The following JMJD1C variants were observed in gnomAD, a reference collection of about 807,000 sequenced individuals.
JMJD1C encodes jumonji domain-containing protein 1C.
In JMJD1C, 31 loss-of-function variants were observed where a neutral mutation model predicts 245.3. That is an observed-to-expected ratio of 0.13 (90% CI 0.09 to 0.17). The LOEUF is 0.17. Among genes scored for constraint, JMJD1C ranks in the 10% least tolerant of loss-of-function variants. The pLI, the probability that JMJD1C is intolerant of heterozygous loss-of-function variation, is 1.00. For synonymous variants in JMJD1C, 1,057 were observed against 1,017.4 expected (o/e 1.04, Z -0.74); for missense variants, 2,691 against 3,000.2 (o/e 0.90, Z 2.41).
chr10:63,474,597 T>C (rs1001087180), intron 1 of JMJD1C, among the ~76,000 whole-genome samples: 3 of 152,052 alleles, frequency 2.0e-5, no homozygotes, highest in African/African-American at 7.2e-5. Context: ...ACCACCGGCA[T>C]GTACCACCAC....
intron 2 of JMJD1C, among the ~76,000 whole-genome samples, chr10:63,351,464 A>T (rs2134290773): frequency 6.6e-6 from 1 of 152,334 alleles, no homozygotes; most frequent in East Asian, 1.9e-4. Flanking sequence ...GTATAAAACA[A>T]GTTTGAGGTC....
chr10:63,459,744 G>A (rs1286598756), intron 1 of JMJD1C, among the ~76,000 whole-genome samples: 3 of 152,128 alleles, frequency 2.0e-5, no homozygotes, highest in Non-Finnish European at 4.4e-5. Flanking sequence ...AGAGTGGAAT[G>A]AAATATTACC....
intron 21 of JMJD1C, among the ~76,000 whole-genome samples, chr10:63,184,117 G>C (rs1166582232): frequency 6.6e-6 from 1 of 151,844 alleles, no homozygotes; most frequent in Non-Finnish European, 1.5e-5. Flanking sequence ...AGTAGAGATG[G>C]GGTTTCACCA....
chr10:63,346,223 T>C (rs972071031), intron 2 of JMJD1C, among the ~76,000 whole-genome samples: 1 of 152,218 alleles, frequency 6.6e-6, no homozygotes, highest in African/African-American at 2.4e-5. Context: ...TGAATCATTT[T>C]TTTAAAGTGT....
At chr10:63,308,704 C>T (rs1589439901) in intron 2 of JMJD1C, among the ~76,000 whole-genome samples, 1 of 104,396 alleles carries the variant, frequency 9.6e-6, no homozygotes, top group African/African-American at 3.7e-5. Flanking sequence ...GGAGAGAAAA[C>T]TAGAAAGCCA....
intron 8 of JMJD1C, among the ~76,000 whole-genome samples, chr10:63,212,637 C>A (rs1188329142): frequency 8.6e-5 from 13 of 151,994 alleles, no homozygotes; most frequent in Admixed American, 3.3e-4. Flanking sequence ...CCTTGAGCAC[C>A]CTTAAGGGAA....
intron 1 of JMJD1C, among the ~76,000 whole-genome samples, chr10:63,464,366 T>TA (rs1251515514): frequency 2.0e-5 from 3 of 152,066 alleles, no homozygotes; most frequent in Non-Finnish European, 4.4e-5. Context: ...AATAGGTAGG[T>TA]AAAAAATATT....
Position 63,193,043 on chromosome 10 carries a change from C to G in JMJD1C, c.5971G>C (p.Glu1991Gln). The change falls in exon 16 of 26, where the codon GAG (glutamate) becomes CAG (glutamine). Residue 1991 changes from glutamate (E) to glutamine (Q), a missense_variant. Glu to Gln is a conservative substitution (Grantham distance 29). Coordinates refer to ENST00000399262, the MANE Select transcript of JMJD1C (RefSeq NM_032776.3). ...TTGTTATCTGTGCCTACATCACTCT[C>G]TGGGCTGCTGCCACCATTTTTCTCA... is the stretch of plus-strand genomic sequence containing the variant. ...KSEKNGGSSP[E>Q]SDVGTDNKLT... is the part of the protein sequence containing the mutation. 6.2e-7 allele frequency: 1 copy of G among 1,614,128 alleles called. No homozygotes were observed.
chr10:63,288,932 A>G (rs1322785166), intron 2 of JMJD1C, among the ~76,000 whole-genome samples: 1 of 143,506 alleles, frequency 7.0e-6, no homozygotes, highest in Non-Finnish European at 1.5e-5. Flanking sequence ...TAATAATGAT[A>G]ATAATCTGTA....
At position 63,176,519 on chromosome 10, in the gene JMJD1C, G is replaced by C; in HGVS notation, c.7225-46C>G. The stretch of plus-strand genomic sequence containing the variant: ...GACACTCCAATTTAAGTAAGGAAAT[G>C]GTAAATCCTGTTCAGTTAAATTTCA... On this transcript the variant is annotated intron_variant, in intron 23 of 25. Coordinates refer to ENST00000399262, the MANE Select transcript of JMJD1C (RefSeq NM_032776.3). 3 of 1,386,646 alleles carry C rather than the reference G, an allele frequency of 2.2e-6. No homozygotes were observed. In the East Asian group the frequency reaches 6.9e-5, roughly 32 times the overall value. The allele number at this position is 1,386,646 out of a possible 1,614,324, so 85.9% of individuals were successfully genotyped here.
chr10:63,379,971 C>T (rs1179357460), intron 2 of JMJD1C, among the ~76,000 whole-genome samples: 2 of 150,834 alleles, frequency 1.3e-5, no homozygotes, highest in African/African-American at 2.4e-5. Flanking sequence ...GATGGGGTCT[C>T]ACTCTGTTAC....
chr10:63,266,141 T>TA (rs1223964028), intron 2 of JMJD1C, among the ~76,000 whole-genome samples: 3 of 152,150 alleles, frequency 2.0e-5, no homozygotes, highest in East Asian at 1.9e-4. Context: ...TTTTCTTAAT[T>TA]AAAAAACAGG....
chr10:63,436,835 T>C (rs1951083724), intron 1 of JMJD1C, among the ~76,000 whole-genome samples: 2 of 152,124 alleles, frequency 1.3e-5, no homozygotes, highest in Admixed American at 1.3e-4. Flanking sequence ...TAGACCCTTA[T>C]CATGGCCCCA....
intron 10 of JMJD1C, among the ~76,000 whole-genome samples, chr10:63,201,065 C>G (rs997007883): frequency 6.6e-6 from 1 of 152,140 alleles, no homozygotes; most frequent in Non-Finnish European, 1.5e-5. Flanking sequence ...TAGGAGAAAG[C>G]TCTTTCAAGA....
At chr10:63,363,538 G>T (rs142488160) in intron 2 of JMJD1C, among the ~76,000 whole-genome samples, 1 of 152,032 alleles carries the variant, frequency 6.6e-6, no homozygotes, top group African/African-American at 2.4e-5. Context: ...GATTACAGGC[G>T]TGAGCCACCA....
At chr10:63,494,818 C>T (rs777315706) in intron 1 of JMJD1C, among the ~76,000 whole-genome samples, 7 of 152,176 alleles carry the variant, frequency 4.6e-5, no homozygotes, top group Non-Finnish European at 8.8e-5. Flanking sequence ...GAGGCTCACA[C>T]TGGTCAGGTC....
chr10:63,476,038 G>C (rs1953650444), intron 1 of JMJD1C, among the ~76,000 whole-genome samples: 1 of 151,684 alleles, frequency 6.6e-6, no homozygotes, highest in Non-Finnish European at 1.5e-5. Flanking sequence ...GTGAAACCCT[G>C]TATCTACTAA....
intron 2 of JMJD1C, among the ~76,000 whole-genome samples, chr10:63,349,335 T>C (rs1399850940): frequency 6.6e-6 from 1 of 152,164 alleles, no homozygotes; most frequent in Non-Finnish European, 1.5e-5. Flanking sequence ...GACAGTGTTT[T>C]TACACAATGC....
At chr10:63,251,781 A>G (rs1032650415) in intron 3 of JMJD1C, among the ~76,000 whole-genome samples, 6 of 152,198 alleles carry the variant, frequency 3.9e-5, no homozygotes, top group African/African-American at 1.4e-4. Flanking sequence ...TGGGTGGCTG[A>G]GGTGGGCGGA....
Sources: gnomAD v4.1 joint callset for allele counts (sites outside exome capture counted in the v4.1 genomes callset) on GRCh38, gnomAD v4.1.1 for gene constraint, MANE v1.5 for transcripts, NCBI Gene and HGNC (gene_info 2026-07-23, HGNC 2026-07-21) for gene names.